The following ENKUR variants were observed in gnomAD, a reference collection of about 807,000 sequenced individuals.
ENKUR encodes enkurin, TRPC channel interacting protein.
ENKUR carries 19 observed loss-of-function variants against 27.6 expected under a neutral mutation model. The ratio of observed to expected loss-of-function variants is 0.69; its 90% CI spans 0.48 to 1.01. ENKUR has a LOEUF of 1.01. ENKUR is among the 50% of genes least tolerant of loss of function. The pLI, the probability that ENKUR is intolerant of heterozygous loss-of-function variation, is 0.00. For missense variants in ENKUR, 312 were observed against 310.5 expected (o/e 1.00, Z -0.04); for synonymous variants, 117 against 96.9 (o/e 1.21, Z -1.22).
At chr10:25,042,722 C>T (rs1271771916) in intron 2 of ENKUR, among the ~76,000 whole-genome samples, 2 of 152,000 alleles carry the variant, frequency 1.3e-5, no homozygotes, top group Non-Finnish European at 2.9e-5. Flanking sequence ...GGTGTGGTGG[C>T]TTATGCCCAT....
At chr10:24,992,864 T>C (rs552252135) in intron 3 of ENKUR, among the ~76,000 whole-genome samples, 1 of 152,288 alleles carries the variant, frequency 6.6e-6, no homozygotes, top group Admixed American at 6.5e-5. Context: ...GCTGGTGCAG[T>C]GAGTGAGACA....
chr10:25,021,241 T>C (rs750985361), intron 2 of ENKUR, among the ~76,000 whole-genome samples: 1 of 152,232 alleles, frequency 6.6e-6, no homozygotes, highest in Non-Finnish European at 1.5e-5. Flanking sequence ...ATATGTGCTT[T>C]GATTTTATTA....
chr10:25,054,373 G>T (rs551061209), intron 2 of ENKUR, among the ~76,000 whole-genome samples: 1 of 152,288 alleles, frequency 6.6e-6, no homozygotes, highest in East Asian at 1.9e-4. Flanking sequence ...AGTGAGCGGA[G>T]ATCACGCCAT....
At chr10:25,003,682 ATTTTC>A (rs1166124976) in intron 1 of ENKUR, among the ~76,000 whole-genome samples, 3 of 152,072 alleles carry the variant, frequency 2.0e-5, no homozygotes, top group Non-Finnish European at 2.9e-5. Flanking sequence ...AATTGGCTCT[ATTTTC>A]TTTTAAGTTC....
rs528979876 is a variant in ENKUR, at chr10:25,024,575, C to G, written c.38-28706G>C. The G allele has an allele frequency of 1.6e-5, 26 of 1,614,062 alleles. No individual in the cohort carries two copies. In the South Asian group the frequency reaches 2.4e-4, roughly 15 times the overall value. The stretch of plus-strand genomic sequence containing the variant: ...GCTATAAAAAGAATTTTTAATGATT[C>G]TGATTTTACTGGCTTTCTTACTGTG... On this transcript the variant is annotated intron_variant, in intron 2 of 5. Coordinates refer to the ENKUR transcript ENST00000615958.
chr10:25,046,395 G>T (rs554980269), intron 2 of ENKUR, among the ~76,000 whole-genome samples: 1 of 152,128 alleles, frequency 6.6e-6, no homozygotes, highest in Non-Finnish European at 1.5e-5. Flanking sequence ...TCTCCTGGGG[G>T]TAGTAAGCCC....
At chr10:25,038,721 T>G (rs1851032509) in intron 2 of ENKUR, among the ~76,000 whole-genome samples, 1 of 152,230 alleles carries the variant, frequency 6.6e-6, no homozygotes, top group Non-Finnish European at 1.5e-5. Flanking sequence ...CAACCCTGTT[T>G]TAGGTTGATG....
At chr10:25,025,693 C>T in intron 2 of ENKUR, 1 of 469,462 alleles carries the variant, frequency 2.1e-6, no homozygotes, top group Non-Finnish European at 3.9e-6. Context: ...CATACTTTTG[C>T]CTTCTGCTCA....
At position 25,036,168 on chromosome 10, in the gene ENKUR, C is replaced by T. The variant is rs533607350; in HGVS notation, c.37+24944G>A. ...ATCTTGAATTTTAGCTCACATAGTTCCCACATGTTGTAGGAGGGACCTGGT... is the reference window on the plus strand; with the variant it reads ...ATCTTGAATTTTAGCTCACATAGTTTCCACATGTTGTAGGAGGGACCTGGT... On this transcript the variant is annotated intron_variant, in intron 2 of 5. Transcript: ENST00000615958. Among the ~76,000 whole-genome samples, 6 of 152,224 alleles carry T rather than the reference C, an allele frequency of 3.9e-5. No individual in the cohort carries two copies. The South Asian group carries it at 1.0e-3, about 26-fold the overall frequency.
intron 2 of ENKUR, chr10:25,024,899 C>A (rs763505682): frequency 1.2e-6 from 2 of 1,613,830 alleles, no homozygotes; most frequent in South Asian, 2.2e-5. Flanking sequence ...CTAGCACAAA[C>A]CTTTTCACCG....
chr10:25,061,082 A>C lies in ENKUR; in HGVS notation c.37+30T>G, dbSNP rs529542036. ...TATTAGGCTGGCTGCCCAGATGCAAAACCTGTGAACACAAGAATGTCAGTA... is the reference window on the plus strand; with the variant it reads ...TATTAGGCTGGCTGCCCAGATGCAACACCTGTGAACACAAGAATGTCAGTA... On this transcript the variant is annotated intron_variant, in intron 2 of 5. Coordinates refer to the ENKUR transcript ENST00000615958. The C allele has an allele frequency of 2.6e-6, 4 of 1,535,452 alleles. No homozygotes were observed. In the South Asian group the frequency reaches 3.6e-5, roughly 14 times the overall value.
upstream of ENKUR, among the ~76,000 whole-genome samples, chr10:25,019,294 C>A (rs1175431806): frequency 6.6e-6 from 1 of 152,042 alleles, no homozygotes; most frequent in Non-Finnish European, 1.5e-5. Context: ...GGCAACATGG[C>A]GAAACCCCCT....
intron 2 of ENKUR, among the ~76,000 whole-genome samples, chr10:25,035,203 A>G (rs1487936190): frequency 6.6e-6 from 1 of 152,202 alleles, no homozygotes; most frequent in Non-Finnish European, 1.5e-5. Context: ...AGTTGGTCAA[A>G]CTTAAGACCT....
chr10:25,013,057 A>G (rs372911625), intron 1 of ENKUR, among the ~76,000 whole-genome samples: 153 of 152,280 alleles, frequency 1.0e-3, no homozygotes, highest in African/African-American at 3.6e-3. Context: ...ATGGTTTTAT[A>G]AAGGGGAGTT....
chr10:24,988,815 G>A (rs765391356), intron 4 of ENKUR, among the ~76,000 whole-genome samples: 6 of 151,198 alleles, frequency 4.0e-5, no homozygotes, highest in Admixed American at 2.6e-4. Context: ...TGAAGAATGA[G>A]CAGAATGTGG....
At chr10:24,999,281 G>T in intron 2 of ENKUR, 120 bp downstream of exon 2, 1 of 974,284 alleles carries the variant, frequency 1.0e-6, no homozygotes, top group Non-Finnish European at 1.5e-6. Context: ...GTCAAATTCT[G>T]TTTAATATGA....
chr10:25,029,240 GA>G (rs1249317397), intron 2 of ENKUR, among the ~76,000 whole-genome samples: 1 of 152,078 alleles, frequency 6.6e-6, no homozygotes, highest in Non-Finnish European at 1.5e-5. Flanking sequence ...ATGAGTTTAT[GA>G]AATGAAAATT....
chr10:24,992,768 A>G (rs1302568003), intron 3 of ENKUR, among the ~76,000 whole-genome samples: 1 of 152,190 alleles, frequency 6.6e-6, no homozygotes, highest in Non-Finnish European at 1.5e-5. Flanking sequence ...CTGACTGAAC[A>G]AGGGATAGAA....
chr10:25,061,315 C>T, exon 2 of ENKUR: 1 of 638,958 alleles, frequency 1.6e-6, no homozygotes, highest in Non-Finnish European at 2.8e-6. Context: ...GCCGCTCCTC[C>T]AGCCGCCTGC....
Sources: allele counts gnomAD v4.1 joint callset (sites outside exome capture counted in the v4.1 genomes callset), GRCh38; gene constraint gnomAD v4.1.1; transcripts MANE v1.5; gene names NCBI Gene and HGNC (gene_info 2026-07-23, HGNC 2026-07-21).